Variants in CLCA2 observed in about 807,000 individuals in gnomAD.
CLCA2 encodes the protein chloride channel accessory 2.
CLCA2 carries 85 observed loss-of-function variants against 82.9 expected under a neutral mutation model. The ratio of observed to expected loss-of-function variants is 1.03; its 90% CI spans 0.86 to 1.23. The LOEUF is 1.23. Ranked by LOEUF, CLCA2 falls within the 50% of genes most tolerant of loss-of-function variation. The probability of loss-of-function intolerance (pLI) is 0.00; values close to 1 mark genes in which losing one functional copy is unlikely to be tolerated. For missense variants in CLCA2, 1,089 were observed against 1,124.8 expected (o/e 0.97, Z 0.45); for synonymous variants, 421 against 391.7 (o/e 1.07, Z -0.88).
chr1:86,444,470 A>C (rs1179016450), intron 10 of CLCA2, among the ~76,000 whole-genome samples: 1 of 152,240 alleles, frequency 6.6e-6, no homozygotes, highest in African/African-American at 2.4e-5. Flanking sequence ...CTATCAGAAC[A>C]TACAAGAGGG....
At chr1:86,447,147 G>A (rs571389323) in intron 10 of CLCA2, among the ~76,000 whole-genome samples, 9 of 152,248 alleles carry the variant, frequency 5.9e-5, no homozygotes, top group South Asian at 4.1e-4. Flanking sequence ...ACATTTAAAC[G>A]CCTTTTTGGG....
At chr1:86,451,254 T>C (rs1662956409) in intron 12 of CLCA2, among the ~76,000 whole-genome samples, 1 of 152,186 alleles carries the variant, frequency 6.6e-6, no homozygotes, top group South Asian at 2.1e-4. Context: ...AAGATAGTTA[T>C]CTTTTTAACA....
chr1:86,445,356 C>CTTTTTTTTT (rs1190239314), intron 10 of CLCA2: 20 of 88,958 alleles, frequency 2.2e-4, no homozygotes, highest in East Asian at 1.3e-3. Flanking sequence ...AAGTGTTAAC[C>CTTTTTTTTT]TTTTTTTTTT....
chr1:86,434,214 T>G (rs898314609), intron 5 of CLCA2, among the ~76,000 whole-genome samples: 2 of 152,022 alleles, frequency 1.3e-5, no homozygotes, highest in Non-Finnish European at 2.9e-5. Context: ...GGAGATTGTT[T>G]TGTTTTGTTT....
chr1:86,444,132 T>G, intron 10 of CLCA2, 121 bp downstream of exon 10: 1 of 671,272 alleles, frequency 1.5e-6, no homozygotes, highest in Non-Finnish European at 2.5e-6. Flanking sequence ...AAAAGTTTAC[T>G]TTAAATTTAT....
At chr1:86,433,317 A>C (rs547525909) in intron 5 of CLCA2, among the ~76,000 whole-genome samples, 1 of 152,280 alleles carries the variant, frequency 6.6e-6, no homozygotes, top group South Asian at 2.1e-4. Context: ...CTCTTCACAG[A>C]TCTGGGGGTA....
chr1:86,433,125 C>T (rs1287778487), intron 5 of CLCA2, among the ~76,000 whole-genome samples: 1 of 152,154 alleles, frequency 6.6e-6, no homozygotes, highest in Non-Finnish European at 1.5e-5. Flanking sequence ...ATCCTCTGGC[C>T]AACTTATTTT....
At chr1:86,450,530 C>G in intron 11 of CLCA2, 33 bp from the exon 12 acceptor site, 1 of 1,522,484 alleles carries the variant, frequency 6.6e-7, no homozygotes, top group Non-Finnish European at 8.9e-7. Context: ...ACTATAATAA[C>G]AAGTGTTGAC....
At chr1:86,444,905 T>C (rs1662817733) in intron 10 of CLCA2, among the ~76,000 whole-genome samples, 1 of 151,746 alleles carries the variant, frequency 6.6e-6, no homozygotes, top group African/African-American at 2.4e-5. Flanking sequence ...TTGTTGTTGT[T>C]GTTGTTGTTG....
chr1:86,444,049 A>G (rs1024728252), intron 10 of CLCA2, 38 bp downstream of exon 10: 3 of 1,349,698 alleles, frequency 2.2e-6, no homozygotes, highest in African/African-American at 2.9e-5. Flanking sequence ...ACAACGTTCA[A>G]CCAAGTTTAT....
At chr1:86,446,216 CTTTTT>C (rs3086658) in intron 10 of CLCA2, among the ~76,000 whole-genome samples, 3 of 108,508 alleles carry the variant, frequency 2.8e-5, no homozygotes, top group Admixed American at 9.9e-5. Flanking sequence ...GCTGTGGGAA[CTTTTT>C]TTTTTTTTTT....
chr1:86,451,471 T>A (rs1260932486), intron 12 of CLCA2, among the ~76,000 whole-genome samples: 4 of 152,206 alleles, frequency 2.6e-5, no homozygotes, highest in Non-Finnish European at 5.9e-5. Context: ...ATTCTATACT[T>A]TTTGTTTACT....
chr1:86,427,710 A>G (rs1190439318), intron 2 of CLCA2, among the ~76,000 whole-genome samples: 2 of 152,182 alleles, frequency 1.3e-5, no homozygotes, highest in African/African-American at 4.8e-5. Context: ...ACAATCTGTC[A>G]TCTTTCTTCC....
intron 12 of CLCA2, among the ~76,000 whole-genome samples, chr1:86,451,371 ATTT>A (rs981812639): frequency 6.6e-6 from 1 of 152,216 alleles, no homozygotes; most frequent in African/African-American, 2.4e-5. Flanking sequence ...ACTTCTAAGC[ATTT>A]TTATTTCCAA....
At chr1:86,440,681 G>A (rs1444385210) in intron 8 of CLCA2, among the ~76,000 whole-genome samples, 6 of 152,050 alleles carry the variant, frequency 3.9e-5, no homozygotes, top group Non-Finnish European at 5.9e-5. Context: ...TGGGCAGATC[G>A]CTTGAGGTCA....
chr1:86,439,149 T>C, intron 7 of CLCA2, 43 bp downstream of exon 7: 2 of 1,580,884 alleles, frequency 1.3e-6, no homozygotes, highest in South Asian at 2.2e-5. Flanking sequence ...ATCATTTTCC[T>C]TTCCCTCTTT....
chr1:86,453,644 C>A, intron 13 of CLCA2, 42 bp downstream of exon 13: 1 of 1,531,898 alleles, frequency 6.5e-7, no homozygotes, highest in Non-Finnish European at 9.0e-7. Context: ...CATAAGACAG[C>A]ATTTCTAATA....
rs747870480 is a variant in CLCA2, at chr1:86,455,134, T to C, written c.2439T>C (p.Asp813=). 2 of 1,606,788 alleles carry C rather than the reference T, an allele frequency of 1.2e-6. No individual in the cohort carries two copies. Among genetic ancestry groups the C allele is most frequent in the East Asian group, 4.5e-5 (2 of 44,728 alleles). The part of the protein sequence containing the change: ...RMSKSLQNIQ[D]DFNNAILVNT... ...GTAAAAGTCTACAGAATATCCAAGATGACTTTAACAATGCTATTTTAGTAA... is the reference window on the plus strand; with the variant it reads ...GTAAAAGTCTACAGAATATCCAAGACGACTTTAACAATGCTATTTTAGTAA... The change falls in exon 14 of 14, where the codon GAT becomes GAC. Residue 813 remains aspartate, a synonymous_variant. Coordinates refer to ENST00000370565, the MANE Select transcript of CLCA2 (RefSeq NM_006536.7).
At chr1:86,426,439 C>T (rs1223412251) in intron 2 of CLCA2, among the ~76,000 whole-genome samples, 1 of 152,032 alleles carries the variant, frequency 6.6e-6, no homozygotes, top group East Asian at 1.9e-4. Flanking sequence ...TATAGCAATC[C>T]AGATAGGTAC....
Sources: allele counts gnomAD v4.1 joint callset (sites outside exome capture counted in the v4.1 genomes callset), GRCh38; gene constraint gnomAD v4.1.1; transcripts MANE v1.5; gene names NCBI Gene and HGNC (gene_info 2026-07-23, HGNC 2026-07-21).